Variants in RYR2 observed in about 807,000 individuals in gnomAD.
RYR2 encodes cardiac muscle ryanodine receptor-calcium release channel.
RYR2 carries 227 observed loss-of-function variants against 601.1 expected under a neutral mutation model. That is an observed-to-expected ratio of 0.38 (90% CI 0.34 to 0.42). The LOEUF is 0.42. Among genes scored for constraint, RYR2 ranks in the 10% least tolerant of loss-of-function variants. RYR2 has a pLI of 1.00. For synonymous variants in RYR2, 2,223 were observed against 2,175.1 expected, an observed-to-expected ratio of 1.02 and a Z score of -0.61; for missense variants, 4,646 against 6,156.5, an observed-to-expected ratio of 0.75 and a Z score of 8.21.
intron 26 of RYR2, among the ~76,000 whole-genome samples, 175 bp from the exon 27 acceptor site, chr1:237,550,369 G>T (rs979212854): frequency 4.6e-5 from 7 of 152,074 alleles, no homozygotes; most frequent in Non-Finnish European, 1.0e-4. Context: ...TTATTCATTT[G>T]ATTGAATCCT....
At chr1:237,421,357 A>G (rs1705555040) in intron 11 of RYR2, among the ~76,000 whole-genome samples, 1 of 152,246 alleles carries the variant, frequency 6.6e-6, no homozygotes, top group African/African-American at 2.4e-5. Flanking sequence ...TTTCCAAAAT[A>G]GAAATACTTT....
intron 1 of RYR2, among the ~76,000 whole-genome samples, chr1:237,148,190 A>G (rs1406357506): frequency 6.6e-6 from 1 of 152,116 alleles, no homozygotes; most frequent in Non-Finnish European, 1.5e-5. Flanking sequence ...AGTTAATAAA[A>G]CAGCTTTTAA....
chr1:237,619,195 C>A (rs560690027), intron 38 of RYR2, among the ~76,000 whole-genome samples: 20 of 152,154 alleles, frequency 1.3e-4, no homozygotes, highest in Middle Eastern at 3.4e-3. Flanking sequence ...AATGAAAAAA[C>A]CAATCAATAA....
chr1:237,199,702 A>G (rs942273589), intron 1 of RYR2, among the ~76,000 whole-genome samples: 1 of 152,300 alleles, frequency 6.6e-6, no homozygotes, highest in Middle Eastern at 3.4e-3. Context: ...AATACTAACC[A>G]TCACACATTC....
chr1:237,713,018 C>T (rs1043238185), intron 71 of RYR2, among the ~76,000 whole-genome samples: 2 of 152,158 alleles, frequency 1.3e-5, no homozygotes, highest in Non-Finnish European at 2.9e-5. Flanking sequence ...GATCCTCAGG[C>T]CTGCTCTGTG....
intron 14 of RYR2, among the ~76,000 whole-genome samples, chr1:237,452,039 T>C (rs1658201876): frequency 7.1e-6 from 1 of 141,702 alleles, no homozygotes; most frequent in African/African-American, 2.5e-5. Flanking sequence ...AAGGGAGCTC[T>C]ATTCTTTTGG....
intron 35 of RYR2, among the ~76,000 whole-genome samples, chr1:237,606,901 G>A (rs1162972233): frequency 4.6e-5 from 7 of 152,156 alleles, no homozygotes; most frequent in Non-Finnish European, 1.0e-4. Context: ...TTAGAATGGT[G>A]ATCATTAAAA....
chr1:237,659,052 A>G (rs1683518745), intron 54 of RYR2, among the ~76,000 whole-genome samples: 4 of 152,204 alleles, frequency 2.6e-5, no homozygotes, highest in Admixed American at 2.6e-4. Flanking sequence ...AAGAACTAAA[A>G]TACTTCTATA....
rs141866353 is a variant in RYR2, at chr1:237,336,090, T to C, written c.273+5108T>C. ...CAGGGATAGAAAAACAATTATAGTA[T>C]AATTTCATGTATGTTATAGAAGTAT... is the stretch of plus-strand genomic sequence containing the variant. On this transcript the variant is annotated intron_variant, in intron 3 of 104. Transcript: ENST00000366574. Among the ~76,000 whole-genome samples the C allele has an allele frequency of 8.9e-3, 1,357 of 152,282 alleles. 7 individuals carry two copies. Among genetic ancestry groups the C allele is most frequent in the Non-Finnish European group, 0.013 (869 of 68,002 alleles).
intron 100 of RYR2, 77 bp from the exon 101 acceptor site, chr1:237,818,959 C>A: frequency 7.6e-7 from 1 of 1,316,402 alleles, no homozygotes; most frequent in Non-Finnish European, 1.1e-6. Context: ...TTAGGAACTA[C>A]AGAGATAACT....
chr1:237,239,853 A>G (rs1471566091), intron 1 of RYR2, among the ~76,000 whole-genome samples: 1 of 152,216 alleles, frequency 6.6e-6, no homozygotes, highest in Non-Finnish European at 1.5e-5. Flanking sequence ...CCAAGAGCAC[A>G]TCTCACTTTT....
chr1:237,311,881 G>T (rs908661341), intron 2 of RYR2, among the ~76,000 whole-genome samples: 7 of 152,186 alleles, frequency 4.6e-5, no homozygotes, highest in Non-Finnish European at 1.0e-4. Context: ...AGAAGTGGCT[G>T]AAATAATACT....
chr1:237,291,801 A>C (rs1169066652), intron 2 of RYR2, among the ~76,000 whole-genome samples: 1 of 152,218 alleles, frequency 6.6e-6, no homozygotes, highest in Non-Finnish European at 1.5e-5. Context: ...GGGTATATTT[A>C]GTACAGTGAA....
chr1:237,639,531 T>A (rs1035832952), intron 46 of RYR2, among the ~76,000 whole-genome samples: 3 of 151,876 alleles, frequency 2.0e-5, no homozygotes, highest in Admixed American at 6.6e-5. Context: ...TAGACTGGAG[T>A]TTAGTGGGAA....
chr1:237,296,834 G>T (rs1367536948), intron 2 of RYR2, among the ~76,000 whole-genome samples: 1 of 152,130 alleles, frequency 6.6e-6, no homozygotes, highest in Non-Finnish European at 1.5e-5. Flanking sequence ...ACACTTTTTT[G>T]AGTCTTCTAA....
intron 5 of RYR2, 21 bp downstream of exon 5, chr1:237,364,393 T>A (rs750814597): frequency 3.8e-5 from 54 of 1,420,914 alleles, no homozygotes; most frequent in Non-Finnish European, 5.1e-5. Flanking sequence ...TTAATATATA[T>A]GCTATGTATA....
chr1:237,445,749 GATAGGT>G (rs1396041404), intron 14 of RYR2, among the ~76,000 whole-genome samples: 1 of 152,098 alleles, frequency 6.6e-6, no homozygotes, highest in Non-Finnish European at 1.5e-5. Flanking sequence ...ATTTGTAATT[GATAGGT>G]ATAGATTAGG....
At chr1:237,186,441 CTGTT>C (rs1679344858) in intron 1 of RYR2, among the ~76,000 whole-genome samples, 1 of 152,160 alleles carries the variant, frequency 6.6e-6, no homozygotes, top group South Asian at 2.1e-4. Context: ...ATCTTAGTGT[CTGTT>C]TAACTGGACT....
At chr1:237,459,899 C>T (rs563811491) in intron 16 of RYR2, among the ~76,000 whole-genome samples, 76 of 152,136 alleles carry the variant, frequency 5.0e-4, no homozygotes, top group Middle Eastern at 3.4e-3. Flanking sequence ...TTAAATAGAA[C>T]GAGAAAGGAG....
Sources: allele counts gnomAD v4.1 joint callset (sites outside exome capture counted in the v4.1 genomes callset), GRCh38; gene constraint gnomAD v4.1.1; transcripts MANE v1.5; gene names NCBI Gene and HGNC (gene_info 2026-07-23, HGNC 2026-07-21).